The following ATF6 variants were observed in gnomAD, a reference collection of about 807,000 sequenced individuals.
The protein encoded by ATF6 is activating transcription factor 6, also known as cyclic AMP-dependent transcription factor ATF-6 alpha.
ATF6 carries 53 observed loss-of-function variants against 83.6 expected under a neutral mutation model. That is an observed-to-expected ratio of 0.63 (90% CI 0.51 to 0.80). ATF6 has a LOEUF of 0.80. ATF6 is among the 30% of genes least tolerant of loss of function. ATF6 has a pLI of 0.00. For synonymous variants in ATF6, 288 were observed against 285.8 expected (o/e 1.01, Z -0.08); for missense variants, 744 against 797.9 (o/e 0.93, Z 0.81).
chr1:161,928,891 C>T (rs961473208), intron 15 of ATF6, among the ~76,000 whole-genome samples: 2 of 152,150 alleles, frequency 1.3e-5, no homozygotes, highest in African/African-American at 2.4e-5. Flanking sequence ...AAATCTTCCG[C>T]CCCCTATTCT....
At position 161,958,512 on chromosome 1, in the gene ATF6, G is replaced by T. The variant is rs1200409935; in HGVS notation, c.1871G>T (p.Arg624Met). The change falls in exon 16 of 16, where the codon AGG (arginine) becomes ATG (methionine). Residue 624 changes from arginine (R) to methionine (M), a missense_variant. By Grantham distance (91) the Arg-to-Met change is moderately conservative. Transcript: ENST00000367942. ...ATTGACTGTCAGGTGATGGACACCAGGATCCTCCATATCAAAAGTTCGTCA... is the reference window on the plus strand; with the variant it reads ...ATTGACTGTCAGGTGATGGACACCATGATCCTCCATATCAAAAGTTCGTCA... ...MQIDCQVMDT[R>M]ILHIKSSSVP... is the part of the protein sequence containing the mutation. 1.9e-6 allele frequency: 3 copies of T among 1,613,770 alleles called. No individual in the cohort carries two copies.
intron 9 of ATF6, among the ~76,000 whole-genome samples, chr1:161,836,017 T>C (rs1358633100): frequency 6.6e-6 from 1 of 152,212 alleles, no homozygotes; most frequent in Non-Finnish European, 1.5e-5. Flanking sequence ...GACATCAGAC[T>C]TGGATGAGGA....
intron 15 of ATF6, among the ~76,000 whole-genome samples, chr1:161,956,970 C>G (rs962889540): frequency 1.3e-5 from 2 of 152,124 alleles, no homozygotes; most frequent in African/African-American, 4.8e-5. Context: ...AGGGAACTTA[C>G]AGACTCCCTG....
chr1:161,925,704 A>G (rs1240653205), intron 15 of ATF6, among the ~76,000 whole-genome samples: 1 of 152,192 alleles, frequency 6.6e-6, no homozygotes. Flanking sequence ...TGCTTAATAC[A>G]TAGTAGCTGC....
At chr1:161,948,085 C>A (rs1275327916) in intron 15 of ATF6, among the ~76,000 whole-genome samples, 1 of 152,190 alleles carries the variant, frequency 6.6e-6, no homozygotes, top group East Asian at 1.9e-4. Flanking sequence ...GTCAGCCTCC[C>A]AAAGTACCTT....
At chr1:161,807,940 C>T (rs1685342274) in intron 7 of ATF6, among the ~76,000 whole-genome samples, 1 of 127,046 alleles carries the variant, frequency 7.9e-6, no homozygotes, top group Non-Finnish European at 1.5e-5. Flanking sequence ...AGTACAATGG[C>T]ACGCTCTTGG....
At chr1:161,947,460 C>G (rs1178065113) in intron 15 of ATF6, among the ~76,000 whole-genome samples, 1 of 152,154 alleles carries the variant, frequency 6.6e-6, no homozygotes, top group African/African-American at 2.4e-5. Context: ...GAGGGAAGCC[C>G]AGGGTCAGGC....
intron 15 of ATF6, among the ~76,000 whole-genome samples, chr1:161,913,860 T>G (rs1008765826): frequency 1.3e-5 from 2 of 152,228 alleles, no homozygotes; most frequent in Admixed American, 1.3e-4. Context: ...CAGAATTCAC[T>G]TAATTTTGTT....
rs1687305186 is a variant in ATF6, at chr1:161,880,703, C to A, written c.1719+17391C>A. Among the ~76,000 whole-genome samples, 3 of 152,146 alleles carry A rather than the reference C, an allele frequency of 2.0e-5. No homozygotes were observed. The South Asian group carries it at 6.2e-4, about 31-fold the overall frequency. On this transcript the variant is annotated intron_variant, in intron 14 of 15. Coordinates refer to ENST00000367942, the MANE Select transcript of ATF6 (RefSeq NM_007348.4). ...GCTACTACAAACAAAGCAACTGTGACTATTTGTGTACAAGTCTTTGTAGGG... is the reference window on the plus strand; with the variant it reads ...GCTACTACAAACAAAGCAACTGTGAATATTTGTGTACAAGTCTTTGTAGGG...
At chr1:161,862,045 A>G (rs1283600083) in intron 13 of ATF6, among the ~76,000 whole-genome samples, 1 of 152,226 alleles carries the variant, frequency 6.6e-6, no homozygotes, top group Admixed American at 6.5e-5. Context: ...ACACATAAAT[A>G]AGGTTATATA....
At chr1:161,919,495 G>A (rs1481432195) in intron 15 of ATF6, among the ~76,000 whole-genome samples, 2 of 152,120 alleles carry the variant, frequency 1.3e-5, no homozygotes, top group African/African-American at 4.8e-5. Context: ...AGAAAAGGGG[G>A]TTTTTAATTT....
chr1:161,865,304 C>T (rs987985336), intron 14 of ATF6, among the ~76,000 whole-genome samples: 13 of 152,066 alleles, frequency 8.5e-5, no homozygotes, highest in African/African-American at 3.1e-4. Flanking sequence ...GGACTATAGC[C>T]GCATGCCACC....
intron 8 of ATF6, among the ~76,000 whole-genome samples, chr1:161,820,571 T>C (rs1685729638): frequency 6.6e-6 from 1 of 151,998 alleles, no homozygotes; most frequent in African/African-American, 2.4e-5. Flanking sequence ...GCCAACATAG[T>C]GAAACCCCAT....
chr1:161,863,071 C>T, intron 13 of ATF6, 127 bp from the exon 14 acceptor site: 1 of 532,710 alleles, frequency 1.9e-6, no homozygotes, highest in Non-Finnish European at 3.4e-6. Flanking sequence ...AAATTACTGC[C>T]AAAGTGCAAC....
At chr1:161,790,853 C>T (rs1684859375) in intron 4 of ATF6, among the ~76,000 whole-genome samples, 2 of 151,060 alleles carry the variant, frequency 1.3e-5, no homozygotes, top group Admixed American at 6.6e-5. Flanking sequence ...CAACAAAGCA[C>T]TGCTCCATTC....
In ATF6 at chr1:161,791,395, T is replaced by C. The variant is rs545817509; in HGVS notation, c.355-13T>C. 135 of 1,594,358 alleles carry C rather than the reference T, an allele frequency of 8.5e-5. No individual in the cohort carries two copies. In the South Asian group the frequency reaches 1.4e-3, roughly 17 times the overall value. Reference sequence around the variant, plus strand: ...GATTATACTCATTAATTTTTGTTTTTATTATGCTACAGGAGGAGTTGGATT... The same window carrying C: ...GATTATACTCATTAATTTTTGTTTTCATTATGCTACAGGAGGAGTTGGATT... On this transcript the variant is annotated splice_polypyrimidine_tract_variant and intron_variant, in intron 4 of 15. Transcript: ENST00000367942.
intron 15 of ATF6, among the ~76,000 whole-genome samples, chr1:161,943,994 T>C (rs1264846248): frequency 6.6e-6 from 1 of 152,182 alleles, no homozygotes; most frequent in Non-Finnish European, 1.5e-5. Context: ...ACTGGGCACA[T>C]AGCAGGCACT....
At chr1:161,824,480 C>T (rs1685845159) in intron 9 of ATF6, among the ~76,000 whole-genome samples, 1 of 151,896 alleles carries the variant, frequency 6.6e-6, no homozygotes, top group Admixed American at 6.6e-5. Context: ...ATTGCATTCC[C>T]TATCGCCTTT....
At chr1:161,834,061 G>A (rs1646073559) in intron 9 of ATF6, among the ~76,000 whole-genome samples, 1 of 152,170 alleles carries the variant, frequency 6.6e-6, no homozygotes, top group African/African-American at 2.4e-5. Context: ...TGATCTCTAG[G>A]CAGAAACTCT....
Sources: gnomAD v4.1 joint callset for allele counts (sites outside exome capture counted in the v4.1 genomes callset) on GRCh38, gnomAD v4.1.1 for gene constraint, MANE v1.5 for transcripts, NCBI Gene and HGNC (gene_info 2026-07-23, HGNC 2026-07-21) for gene names.